The following DPP6 variants were observed in gnomAD, a reference collection of about 807,000 sequenced individuals.
DPP6 encodes the protein dipeptidyl peptidase like 6.
A neutral mutation model predicts 122.6 loss-of-function variants in DPP6; 69 were observed. The observed-to-expected ratio is 0.56, with a 90% CI of 0.46 to 0.69. The LOEUF (loss-of-function observed/expected upper bound fraction) is 0.69. Among genes scored for constraint, DPP6 ranks in the 30% least tolerant of loss-of-function variants. DPP6 has a pLI of 0.00. For synonymous variants in DPP6, 418 were observed against 433.1 expected, an observed-to-expected ratio of 0.97 and a Z score of 0.43; for missense variants, 928 against 1,116.9, an observed-to-expected ratio of 0.83 and a Z score of 2.41.
intron 6 of DPP6, among the ~76,000 whole-genome samples, chr7:154,641,060 A>G (rs1261200328): frequency 2.6e-5 from 4 of 152,028 alleles, no homozygotes; most frequent in African/African-American, 9.7e-5. Flanking sequence ...GGCAAATGGC[A>G]AAAGAGTTTC....
intron 6 of DPP6, among the ~76,000 whole-genome samples, chr7:154,644,823 C>T (rs570810019): frequency 5.9e-5 from 9 of 151,716 alleles, no homozygotes; most frequent in East Asian, 1.9e-4. Context: ...ATTCTTCTAC[C>T]GCAGCCTCCT....
At chr7:154,175,936 C>T (rs1389316570) in intron 1 of DPP6, among the ~76,000 whole-genome samples, 4 of 152,116 alleles carry the variant, frequency 2.6e-5, no homozygotes, top group Non-Finnish European at 2.9e-5. Context: ...GACCCACCCA[C>T]CTCGGCCTCC....
chr7:153,947,767 C>T (rs1250987887), intron 1 of DPP6, among the ~76,000 whole-genome samples: 1 of 152,160 alleles, frequency 6.6e-6, no homozygotes, highest in African/African-American at 2.4e-5. Context: ...TCCCGGCTGC[C>T]TCTGCCTTTG....
intron 3 of DPP6, among the ~76,000 whole-genome samples, chr7:154,511,057 T>C (rs1036774813): frequency 6.6e-6 from 1 of 152,064 alleles, no homozygotes; most frequent in African/African-American, 2.4e-5. Context: ...TTGCATGTTC[T>C]CCAGTAAGGA....
rs141828307 is a variant in DPP6, at chr7:154,773,386, G to A, written c.1136+444G>A. ...GCCACATCTCCCAGTTGGTAAGGTC[G>A]CAACCCTGTGGAAGGTATTAACAAT... On this transcript the variant is annotated intron_variant, in intron 10 of 25. Coordinates refer to ENST00000377770, the MANE Select transcript of DPP6 (RefSeq NM_130797.4). 3.7e-3 allele frequency among the ~76,000 whole-genome samples: 564 copies of A among 152,302 alleles called. 3 individuals are homozygous for A. Among genetic ancestry groups the A allele is most frequent in the African/African-American group, 0.012 (510 of 41,578 alleles).
intron 1 of DPP6, among the ~76,000 whole-genome samples, chr7:153,949,041 C>T (rs1051181638): frequency 1.4e-4 from 22 of 152,276 alleles, no homozygotes; most frequent in African/African-American, 5.3e-4. Context: ...TAATAGACGA[C>T]TGAATTGCTC....
chr7:154,251,756 G>A (rs565482547), intron 1 of DPP6, among the ~76,000 whole-genome samples: 31 of 151,976 alleles, frequency 2.0e-4, no homozygotes, highest in Admixed American at 1.2e-3. Context: ...GATGAAGGCC[G>A]GAAGTCTCAG....
chr7:154,058,082 G>C lies in DPP6; in HGVS notation c.243+5019G>C, dbSNP rs1246470614. 1.4e-5 allele frequency: 2 copies of C among 138,224 alleles called. 1 individual carries two copies. Among genetic ancestry groups the C allele is most frequent in the Admixed American group, 1.5e-4 (2 of 13,328 alleles). 8.6% of individuals were successfully genotyped at this position (138,224 alleles called of 1,614,324 possible). A position where few individuals can be genotyped will look rare whatever the true frequency, so the allele number is the denominator to read the frequency against. ...ACTCTTGGGACTCCCATTGCGGGTGGAGGGAGGCATCCCCCATGAGGCGGG... is the reference window on the plus strand; with the variant it reads ...ACTCTTGGGACTCCCATTGCGGGTGCAGGGAGGCATCCCCCATGAGGCGGG... On this transcript the variant is annotated intron_variant, in intron 1 of 25. Transcript: ENST00000377770.
intron 7 of DPP6, among the ~76,000 whole-genome samples, chr7:154,690,633 C>A (rs1238258834): frequency 6.6e-6 from 1 of 152,102 alleles, no homozygotes; most frequent in African/African-American, 2.4e-5. Flanking sequence ...CCCCCCACCC[C>A]GCATCATGAG....
At position 154,643,467 on chromosome 7, in the gene DPP6, C is replaced by CCT. The variant is rs1563052019; in HGVS notation, c.680+5594_680+5595insCT. On this transcript the variant is annotated intron_variant, in intron 6 of 25. Coordinates refer to ENST00000377770, the MANE Select transcript of DPP6 (RefSeq NM_130797.4). ...ATAAAGTCTGTTAAGTGAGTAATTTCTTTTTTTTTTTTTTTTTTTGAGACA... is the reference window on the plus strand; with the variant it reads ...ATAAAGTCTGTTAAGTGAGTAATTTCCTTTTTTTTTTTTTTTTTTTTGAGACA... Among the ~76,000 whole-genome samples, 13 of 117,542 alleles carry CCT rather than the reference C, an allele frequency of 1.1e-4. 1 individual carries two copies. Among genetic ancestry groups the CCT allele is most frequent in the Non-Finnish European group, 1.2e-4 (7 of 56,884 alleles). 77.1% of individuals were successfully genotyped at this position (117,542 alleles called of 152,430 possible).
Position 154,258,054 on chromosome 7 carries a change from C to G in DPP6, c.244-188160C>G, listed in dbSNP as rs576575618. On this transcript the variant is annotated intron_variant, in intron 1 of 25. Transcript: ENST00000377770. ...AAAGCCTGAAAAGCCAAAGGCACCACTAGAAATTACATATATTGTGGGGCA... is the reference window on the plus strand; with the variant it reads ...AAAGCCTGAAAAGCCAAAGGCACCAGTAGAAATTACATATATTGTGGGGCA... Among the ~76,000 whole-genome samples the G allele has an allele frequency of 3.5e-4, 53 of 150,620 alleles. 2 individuals are homozygous for G. The South Asian group carries it at 0.011, about 32-fold the overall frequency.
rs1807677609 is a variant in DPP6 at position 154,123,808 on chromosome 7, G to A, written c.243+70745G>A. Among the ~76,000 whole-genome samples, 7 of 119,816 alleles carry A rather than the reference G, an allele frequency of 5.8e-5. 1 individual carries two copies. The Admixed American group carries it at 5.9e-4, about 10-fold the overall frequency. 78.6% of individuals were successfully genotyped at this position (119,816 alleles called of 152,430 possible). A position where few individuals can be genotyped will look rare whatever the true frequency, so the allele number is the denominator to read the frequency against. On this transcript the variant is annotated intron_variant, in intron 1 of 25. Transcript: ENST00000377770. ...GGGACAAATGTGCCGCTCGCTCACG[G>A]GGCTTACCTGGGGACAGTTGTGCTG...
chr7:154,583,032 C>G (rs1832182528), intron 5 of DPP6, among the ~76,000 whole-genome samples: 1 of 152,186 alleles, frequency 6.6e-6, no homozygotes, highest in South Asian at 2.1e-4. Flanking sequence ...AACACCTGCT[C>G]TTGATGGGGG....
intron 1 of DPP6, among the ~76,000 whole-genome samples, chr7:154,061,063 G>C (rs1235165808): frequency 2.5e-4 from 18 of 71,366 alleles, no homozygotes; most frequent in Middle Eastern, 6.5e-3. Flanking sequence ...CGATCCGACG[G>C]GTCCGAACGC....
intron 7 of DPP6, among the ~76,000 whole-genome samples, chr7:154,722,111 C>T (rs1255861404): frequency 6.6e-6 from 1 of 152,068 alleles, no homozygotes; most frequent in Admixed American, 6.5e-5. Flanking sequence ...AGGAGGATTG[C>T]TTGAGCCCAG....
chr7:154,343,616 T>C (rs746685568), intron 1 of DPP6, among the ~76,000 whole-genome samples: 2 of 152,244 alleles, frequency 1.3e-5, no homozygotes, highest in Non-Finnish European at 2.9e-5. Flanking sequence ...AGTCTTTCTC[T>C]GTCACCCTGG....
At position 154,772,940 on chromosome 7, in the gene DPP6, G is replaced by A. The variant is rs1389768773; in HGVS notation, c.1134G>A (p.Met378Ile). ...LEMMPPDDPR[M>I]REYYITMVKW... ...TGATGCCGCCTGATGATCCACGGAT[G>A]AGGTTTGCTTCCTTCTATTATGTTA... The change falls in exon 10 of 26, where the codon ATG becomes ATA. Residue 378 changes from methionine (M) to isoleucine (I), a missense_variant and splice_region_variant. Coordinates refer to ENST00000377770, the MANE Select transcript of DPP6 (RefSeq NM_130797.4). 3.1e-6 allele frequency: 5 copies of A among 1,595,726 alleles called. 1 individual carries two copies. The Middle Eastern group carries it at 5.0e-4, about 160-fold the overall frequency.
chr7:154,814,931 T>C (rs560457405), intron 16 of DPP6, among the ~76,000 whole-genome samples: 2 of 152,304 alleles, frequency 1.3e-5, no homozygotes, highest in African/African-American at 4.8e-5. Flanking sequence ...CCAGCGTAGC[T>C]TCATCTTAAC....
At chr7:154,539,005 T>C (rs1218153623) in intron 3 of DPP6, among the ~76,000 whole-genome samples, 1 of 152,218 alleles carries the variant, frequency 6.6e-6, no homozygotes, top group Non-Finnish European at 1.5e-5. Context: ...AAATTTTCAT[T>C]ATATTGATAG....
Sources: allele counts gnomAD v4.1 joint callset (sites outside exome capture counted in the v4.1 genomes callset), GRCh38; gene constraint gnomAD v4.1.1; transcripts MANE v1.5; gene names NCBI Gene and HGNC (gene_info 2026-07-23, HGNC 2026-07-21).